Variants in ELP3 observed in about 807,000 individuals in gnomAD.
ELP3 encodes the protein elongator acetyltransferase complex subunit 3.
In ELP3, 56 loss-of-function variants were observed where a neutral mutation model predicts 74.9. That is an observed-to-expected ratio of 0.75 (90% CI 0.60 to 0.93). The LOEUF (loss-of-function observed/expected upper bound fraction) is 0.93. Ranked by LOEUF, ELP3 falls within the 40% of genes least tolerant of loss-of-function variation. The pLI, the probability that ELP3 is intolerant of heterozygous loss-of-function variation, is 0.00. For synonymous variants in ELP3, 222 were observed against 239.8 expected (o/e 0.93, Z 0.68); for missense variants, 573 against 686.5 (o/e 0.83, Z 1.85).
chr8:28,160,092 G>A (rs1814008681), intron 12 of ELP3, 137 bp from the exon 13 acceptor site: 4 of 783,440 alleles, frequency 5.1e-6, no homozygotes, highest in Admixed American at 5.8e-5. Flanking sequence ...GAGTAGACAA[G>A]TAAAAAGAAA....
intron 10 of ELP3, among the ~76,000 whole-genome samples, chr8:28,141,413 C>G (rs1813232233): frequency 6.6e-6 from 1 of 152,066 alleles, no homozygotes. Context: ...GAAAAGAGTT[C>G]TAACTTGAAG....
intron 7 of ELP3, among the ~76,000 whole-genome samples, chr8:28,128,969 G>T (rs1173320623): frequency 1.3e-5 from 2 of 152,154 alleles, no homozygotes; most frequent in African/African-American, 4.8e-5. Flanking sequence ...AATAGACTAG[G>T]TGAAAAGGCT....
upstream of ELP3, among the ~76,000 whole-genome samples, chr8:28,091,100 G>T (rs1464736334): frequency 6.6e-6 from 1 of 151,888 alleles, no homozygotes; most frequent in Non-Finnish European, 1.5e-5. Context: ...TGGAGACGGG[G>T]TTTCATCATG....
intron 5 of ELP3, among the ~76,000 whole-genome samples, chr8:28,109,283 A>G (rs888511523): frequency 2.0e-5 from 3 of 152,234 alleles, no homozygotes; most frequent in Non-Finnish European, 4.4e-5. Flanking sequence ...CACCCTCCTC[A>G]GAACACCTCA....
chr8:28,180,604 T>C (rs185088908), intron 14 of ELP3, among the ~76,000 whole-genome samples: 1 of 152,358 alleles, frequency 6.6e-6, no homozygotes, highest in Non-Finnish European at 1.5e-5. Flanking sequence ...TACCTCATCA[T>C]TTTTTATCAT....
At chr8:28,145,181 T>A (rs912757887) in intron 10 of ELP3, among the ~76,000 whole-genome samples, 6 of 152,370 alleles carry the variant, frequency 3.9e-5, no homozygotes, top group Admixed American at 2.0e-4. Context: ...TTATACAGCA[T>A]CAAGTGGCTG....
chr8:28,110,199 G>A (rs1005443459), intron 5 of ELP3, among the ~76,000 whole-genome samples, 171 bp from the exon 6 acceptor site: 4 of 152,172 alleles, frequency 2.6e-5, no homozygotes, highest in Non-Finnish European at 4.4e-5. Flanking sequence ...CCTGCCAGAT[G>A]CGATTCAGGA....
chr8:28,141,439 T>G (rs987422851), intron 10 of ELP3, among the ~76,000 whole-genome samples: 4 of 152,154 alleles, frequency 2.6e-5, no homozygotes, highest in Non-Finnish European at 4.4e-5. Context: ...TACACAGACA[T>G]GACAATTAAA....
At chr8:28,112,602 C>T (rs967705125) in intron 6 of ELP3, 1 of 153,082 alleles carries the variant, frequency 6.5e-6, no homozygotes, top group Non-Finnish European at 1.5e-5. Context: ...CATAATCATT[C>T]ATGTATCATT....
At chr8:28,091,165 C>CA (rs1340475007), upstream of ELP3, among the ~76,000 whole-genome samples, 1 of 152,018 alleles carries the variant, frequency 6.6e-6, no homozygotes, top group African/African-American at 2.4e-5. Flanking sequence ...CTCGGCCTCC[C>CA]AAAGTGCTGG....
At chr8:28,186,794 G>A (rs1395226096) in intron 14 of ELP3, among the ~76,000 whole-genome samples, 2 of 152,160 alleles carry the variant, frequency 1.3e-5, no homozygotes, top group South Asian at 2.1e-4. Context: ...TCCATGAATA[G>A]ATTAATCCTT....
intron 11 of ELP3, among the ~76,000 whole-genome samples, 157 bp from the exon 12 acceptor site, chr8:28,158,411 A>G (rs1813926192): frequency 6.6e-6 from 1 of 152,166 alleles, no homozygotes; most frequent in Admixed American, 6.5e-5. Flanking sequence ...TTTGAAATTC[A>G]GCTCTTTTAT....
chr8:28,171,093 A>G (rs184548521), intron 14 of ELP3, among the ~76,000 whole-genome samples: 1 of 152,294 alleles, frequency 6.6e-6, no homozygotes, highest in East Asian at 1.9e-4. Context: ...CATCAGTCTG[A>G]TAGACATTTC....
chr8:28,132,251 T>G (rs763810644), intron 8 of ELP3, 27 bp from the exon 9 acceptor site: 1 of 1,613,468 alleles, frequency 6.2e-7, no homozygotes. Context: ...GTAGTGATTT[T>G]CACAGGTAGT....
rs139585577 is a variant in ELP3 at position 28,095,142 on chromosome 8, C to G, written c.19+1909C>G. Among the ~76,000 whole-genome samples, 349 of 152,326 alleles carry G rather than the reference C, an allele frequency of 2.3e-3. 5 individuals carry two copies. The highest frequency in any genetic ancestry group is 7.8e-3 in the African/African-American group (325 of 41,568). On this transcript the variant is annotated intron_variant, in intron 1 of 14. Transcript: ENST00000256398. ...AAAGATAGGTAATTCCTATGCCTGA[C>G]ATTATTTCTTCTGGATTGCCTTCTG...
At chr8:28,135,717 C>T (rs1056754074) in intron 9 of ELP3, among the ~76,000 whole-genome samples, 1 of 152,178 alleles carries the variant, frequency 6.6e-6, no homozygotes, top group African/African-American at 2.4e-5. Context: ...CATGTCTCTC[C>T]TCCATCCTGC....
At chr8:28,173,139 T>C (rs530663371) in intron 14 of ELP3, among the ~76,000 whole-genome samples, 1 of 152,182 alleles carries the variant, frequency 6.6e-6, no homozygotes, top group East Asian at 1.9e-4. Flanking sequence ...TAATGCTGGC[T>C]TTATTAAATG....
In ELP3 at chr8:28,110,365, T is replaced by C. The variant is rs762369945; in HGVS notation, c.394-5T>C. The C allele has an allele frequency of 1.3e-5, 21 of 1,612,516 alleles. No individual in the cohort carries two copies. The highest frequency in any genetic ancestry group is 1.7e-5 in the Non-Finnish European group (20 of 1,179,424). On this transcript the variant is annotated splice_polypyrimidine_tract_variant and splice_region_variant and intron_variant, in intron 5 of 14. Transcript: ENST00000256398. The stretch of plus-strand genomic sequence containing the variant: ...TGTGGGCATAACAATATTTTTCTCT[T>C]CTAGCCAACCTCCATGAGAGCTATC...
intron 10 of ELP3, among the ~76,000 whole-genome samples, chr8:28,149,377 A>ATTGAGTATTTCTTCTTGTGAG (rs1320813928): frequency 6.6e-6 from 1 of 152,196 alleles, no homozygotes; most frequent in Non-Finnish European, 1.5e-5. Flanking sequence ...TCTTATTCAG[A>ATTGAGTATTTCTTCTTGTGAG]TTGAGTATTT....
Sources: gnomAD v4.1 joint callset for allele counts (sites outside exome capture counted in the v4.1 genomes callset) on GRCh38, gnomAD v4.1.1 for gene constraint, MANE v1.5 for transcripts, NCBI Gene and HGNC (gene_info 2026-07-23, HGNC 2026-07-21) for gene names.